The following GFOD1 variants were observed in gnomAD, a reference collection of about 807,000 sequenced individuals.
The protein encoded by GFOD1 is glucose-fructose oxidoreductase domain-containing protein 1.
In GFOD1, 9 loss-of-function variants were observed where a neutral mutation model predicts 25.4. The observed-to-expected ratio is 0.35, with a 90% CI of 0.21 to 0.62. The LOEUF is 0.62. GFOD1 is among the 20% of genes least tolerant of loss of function. The probability of loss-of-function intolerance (pLI) is 0.72; values close to 1 mark genes in which losing one functional copy is unlikely to be tolerated. For synonymous variants in GFOD1, 253 were observed against 245.6 expected (o/e 1.03, Z -0.28); for missense variants, 403 against 556.9 (o/e 0.72, Z 2.78).
At chr6:13,370,684 A>G (rs1455137034) in intron 1 of GFOD1, among the ~76,000 whole-genome samples, 1 of 147,370 alleles carries the variant, frequency 6.8e-6, no homozygotes, top group Non-Finnish European at 1.5e-5. Context: ...TTCTAGTCAG[A>G]CACTGTGTGT....
At chr6:13,475,503 T>C (rs1318099823) in intron 1 of GFOD1, among the ~76,000 whole-genome samples, 1 of 149,774 alleles carries the variant, frequency 6.7e-6, no homozygotes, top group South Asian at 2.1e-4. Flanking sequence ...AGGTCAGGAG[T>C]TCGAGACCAG....
chr6:13,470,226 T>C (rs1562229027), intron 1 of GFOD1: 2 of 1,595,836 alleles, frequency 1.3e-6, no homozygotes, highest in Non-Finnish European at 1.7e-6. Context: ...GTCTGGGGAC[T>C]GGAAAGAAGG....
chr6:13,381,915 GCACACACA>G (rs112808546), intron 1 of GFOD1, among the ~76,000 whole-genome samples: 2,412 of 139,968 alleles, frequency 0.017, 35 homozygotes, highest in African/African-American at 0.045. Context: ...ACGCGCGCGC[GCACACACA>G]CACACACACA....
intron 1 of GFOD1, among the ~76,000 whole-genome samples, chr6:13,436,857 T>C (rs953782545): frequency 6.6e-6 from 1 of 152,190 alleles, no homozygotes; most frequent in African/African-American, 2.4e-5. Context: ...CTGAGAAATA[T>C]GAAGCGAGAT....
intron 1 of GFOD1, among the ~76,000 whole-genome samples, chr6:13,402,417 T>C (rs965308616): frequency 2.6e-5 from 4 of 152,186 alleles, no homozygotes; most frequent in South Asian, 4.1e-4. Flanking sequence ...GTAGAATATA[T>C]TTGCCAGTCA....
intron 1 of GFOD1, among the ~76,000 whole-genome samples, chr6:13,418,418 C>T (rs1391106731): frequency 2.0e-5 from 3 of 152,250 alleles, no homozygotes; most frequent in African/African-American, 7.2e-5. Context: ...GCAGAATATG[C>T]AGCCATCAGG....
intron 1 of GFOD1, among the ~76,000 whole-genome samples, chr6:13,418,683 T>G (rs1786201616): frequency 6.6e-6 from 1 of 152,198 alleles, no homozygotes; most frequent in Non-Finnish European, 1.5e-5. Flanking sequence ...AGCTTAGAAC[T>G]GTGAGATGTT....
chr6:13,469,949 T>C, intron 1 of GFOD1: 1 of 1,305,898 alleles, frequency 7.7e-7, no homozygotes, highest in African/African-American at 1.5e-5. Flanking sequence ...AAGTGATGAG[T>C]AGGTTCTGGA....
chr6:13,389,119 T>C (rs992292225), intron 1 of GFOD1, among the ~76,000 whole-genome samples: 2 of 152,174 alleles, frequency 1.3e-5, no homozygotes, highest in African/African-American at 4.8e-5. Context: ...AAACAACAAA[T>C]GCTGGAGAAG....
chr6:13,407,055 T>C (rs1168344503), intron 1 of GFOD1, among the ~76,000 whole-genome samples: 1 of 152,182 alleles, frequency 6.6e-6, no homozygotes, highest in Non-Finnish European at 1.5e-5. Flanking sequence ...AAACTTTCCA[T>C]GGTGCACCCT....
At chr6:13,468,188 G>GGT (rs1056654958) in intron 1 of GFOD1, among the ~76,000 whole-genome samples, 1 of 151,998 alleles carries the variant, frequency 6.6e-6, no homozygotes, top group Non-Finnish European at 1.5e-5. Context: ...TAATTTTCTA[G>GGT]GTGTGTGTGC....
intron 1 of GFOD1, among the ~76,000 whole-genome samples, chr6:13,440,521 C>T (rs1757898479): frequency 6.6e-6 from 1 of 152,156 alleles, no homozygotes; most frequent in Non-Finnish European, 1.5e-5. Context: ...GAACCATGTA[C>T]ACCTCCTGGA....
intron 1 of GFOD1, among the ~76,000 whole-genome samples, chr6:13,398,862 G>A (rs188002668): frequency 2.6e-5 from 4 of 152,196 alleles, no homozygotes; most frequent in Non-Finnish European, 4.4e-5. Flanking sequence ...AGCTGCTTTT[G>A]AAAGCTCTCT....
At chr6:13,447,944 C>A (rs969559655) in intron 1 of GFOD1, among the ~76,000 whole-genome samples, 15 of 151,764 alleles carry the variant, frequency 9.9e-5, no homozygotes, top group Admixed American at 2.6e-4. Context: ...TCACTGGAAG[C>A]ATTGGGCATT....
chr6:13,374,736 T>TC lies in GFOD1; in HGVS notation c.254-9075_254-9074insG, dbSNP rs1159269380. The stretch of plus-strand genomic sequence containing the variant: ...TATTCATCATCTCAAATCTTTTTTT[T>TC]TTTTTTTTTTTTTTTTGAGATCAAG... On this transcript the variant is annotated intron_variant, in intron 1 of 1. Transcript: ENST00000379287. Among the ~76,000 whole-genome samples the TC allele has an allele frequency of 3.1e-3, 453 of 145,926 alleles. 5 individuals are homozygous for TC. Among genetic ancestry groups the TC allele is most frequent in the African/African-American group, 0.011 (428 of 39,980 alleles).
intron 1 of GFOD1, among the ~76,000 whole-genome samples, chr6:13,377,278 C>T (rs1379612388): frequency 6.6e-6 from 1 of 152,182 alleles, no homozygotes; most frequent in Non-Finnish European, 1.5e-5. Context: ...AACTGAGCAG[C>T]TTAAAACAAC....
chr6:13,422,930 A>T (rs1342694462), intron 1 of GFOD1, among the ~76,000 whole-genome samples: 2 of 152,156 alleles, frequency 1.3e-5, no homozygotes, highest in Non-Finnish European at 2.9e-5. Context: ...TCACCCAAGG[A>T]GCTATTTTAA....
intron 1 of GFOD1, among the ~76,000 whole-genome samples, chr6:13,409,147 A>AAG (rs71680213): frequency 3.4e-5 from 1 of 29,206 alleles, no homozygotes; most frequent in Non-Finnish European, 1.1e-4. Context: ...GAAAGAAAGA[A>AAG]AGAGAGGAAA....
intron 1 of GFOD1, among the ~76,000 whole-genome samples, chr6:13,411,996 A>G (rs1302945588): frequency 6.6e-6 from 1 of 152,220 alleles, no homozygotes; most frequent in Non-Finnish European, 1.5e-5. Context: ...CATGAGGGAA[A>G]TAAGAAGAGC....
Sources: allele counts gnomAD v4.1 joint callset (sites outside exome capture counted in the v4.1 genomes callset), GRCh38; gene constraint gnomAD v4.1.1; transcripts MANE v1.5; gene names NCBI Gene and HGNC (gene_info 2026-07-23, HGNC 2026-07-21).